The following DLG2 variants were observed in gnomAD, a reference collection of about 807,000 sequenced individuals.
DLG2 encodes the protein discs large MAGUK scaffold protein 2.
Under a neutral mutation model 132.5 loss-of-function variants are expected in DLG2, and 45 were observed. That is an observed-to-expected ratio of 0.34 (90% confidence interval 0.27 to 0.44). The LOEUF is 0.44. Among genes scored for constraint, DLG2 ranks in the 20% least tolerant of loss-of-function variants. The pLI is 1.00. For synonymous variants in DLG2, 424 were observed against 419.6 expected, an observed-to-expected ratio of 1.01 and a Z score of -0.13; for missense variants, 1,045 against 1,196.9, an observed-to-expected ratio of 0.87 and a Z score of 1.87.
chr11:84,726,663 G>A (rs906739525), intron 6 of DLG2, among the ~76,000 whole-genome samples: 1 of 152,062 alleles, frequency 6.6e-6, no homozygotes. Context: ...GGTATTTCTG[G>A]TTCTAGATCC....
intron 6 of DLG2, among the ~76,000 whole-genome samples, chr11:84,988,646 G>T (rs540246298): frequency 6.6e-6 from 1 of 152,152 alleles, no homozygotes; most frequent in Non-Finnish European, 1.5e-5. Flanking sequence ...TCGTATGCTC[G>T]CTCATAAGTG....
At chr11:84,481,293 A>AT (rs2099136887) in intron 7 of DLG2, among the ~76,000 whole-genome samples, 1 of 151,606 alleles carries the variant, frequency 6.6e-6, no homozygotes, top group Non-Finnish European at 1.5e-5. Flanking sequence ...ATCTTGCCCT[A>AT]TTTTTTGCTT....
At position 84,243,764 on chromosome 11, in the gene DLG2, A is replaced by G. The variant is rs137959831; in HGVS notation, c.573+7474T>C. Among the ~76,000 whole-genome samples, 75 of 152,278 alleles carry G rather than the reference A, an allele frequency of 4.9e-4. 1 individual carries two copies. Among genetic ancestry groups the G allele is most frequent in the African/African-American group, 1.6e-3 (67 of 41,558 alleles). On this transcript the variant is annotated intron_variant, in intron 8 of 27. Coordinates refer to ENST00000376104, the MANE Select transcript of DLG2 (RefSeq NM_001142699.3). ...CTGCTACTGGCCCAACTCCTGAACT[A>G]GCAGTGGCTTCTCATTTTGACTCAC...
At chr11:85,361,435 A>G (rs1470574263) in intron 3 of DLG2, among the ~76,000 whole-genome samples, 3 of 152,144 alleles carry the variant, frequency 2.0e-5, no homozygotes, top group African/African-American at 7.2e-5. Context: ...ATTGTACCCA[A>G]TAAATAATTT....
At chr11:85,296,010 T>G (rs1178660128) in intron 3 of DLG2, among the ~76,000 whole-genome samples, 1 of 152,192 alleles carries the variant, frequency 6.6e-6, no homozygotes, top group Non-Finnish European at 1.5e-5. Flanking sequence ...AAATTGACTC[T>G]ATTGGCCTCT....
intron 6 of DLG2, chr11:85,021,414 TAA>T (rs2060053365): frequency 1.4e-6 from 2 of 1,389,128 alleles, no homozygotes; most frequent in Non-Finnish European, 2.0e-6. Flanking sequence ...GGTTAATATC[TAA>T]AACCTGGTCA....
At chr11:85,564,640 C>A (rs1248011952) in intron 3 of DLG2, among the ~76,000 whole-genome samples, 1 of 152,020 alleles carries the variant, frequency 6.6e-6, no homozygotes, top group East Asian at 1.9e-4. Flanking sequence ...GTCAATACCA[C>A]ATTTTCTGGA....
chr11:85,559,246 G>A (rs1231786924), intron 3 of DLG2, among the ~76,000 whole-genome samples: 1 of 150,606 alleles, frequency 6.6e-6, no homozygotes, highest in African/African-American at 2.4e-5. Context: ...CTGCCTCCCG[G>A]GTTCAAGTGA....
At chr11:85,527,967 A>G (rs1313861390) in intron 3 of DLG2, among the ~76,000 whole-genome samples, 2 of 151,848 alleles carry the variant, frequency 1.3e-5, no homozygotes, top group East Asian at 1.9e-4. Flanking sequence ...GCTTTTTTGC[A>G]TATGCTTGTT....
intron 3 of DLG2, among the ~76,000 whole-genome samples, chr11:85,588,895 G>T (rs1462037857): frequency 6.6e-6 from 1 of 152,090 alleles, no homozygotes; most frequent in African/African-American, 2.4e-5. Flanking sequence ...CTTCCCCTAG[G>T]GATGAGGCTT....
intron 16 of DLG2, among the ~76,000 whole-genome samples, chr11:83,845,301 G>C (rs1471558191): frequency 6.6e-6 from 1 of 152,164 alleles, no homozygotes; most frequent in East Asian, 1.9e-4. Flanking sequence ...TAGGAAACTT[G>C]TGAAGAGAGG....
intron 3 of DLG2, among the ~76,000 whole-genome samples, chr11:85,504,393 G>C (rs1259222790): frequency 1.3e-5 from 2 of 152,112 alleles, no homozygotes; most frequent in Admixed American, 6.6e-5. Context: ...TTTTGTATAA[G>C]GTGTAAGGGA....
intron 3 of DLG2, among the ~76,000 whole-genome samples, chr11:85,386,860 A>T (rs1279481031): frequency 7.5e-6 from 1 of 132,800 alleles, no homozygotes; most frequent in Non-Finnish European, 1.7e-5. Context: ...GAAGGCAACC[A>T]AAAAAAAAAA....
intron 6 of DLG2, among the ~76,000 whole-genome samples, chr11:84,576,005 C>T (rs1037250255): frequency 2.0e-5 from 3 of 152,148 alleles, no homozygotes; most frequent in South Asian, 4.1e-4. Flanking sequence ...GCTGTTTCCT[C>T]TTCCTGAAAA....
chr11:85,169,130 A>G lies in DLG2; in HGVS notation c.187-14479T>C, dbSNP rs1392240140. On this transcript the variant is annotated intron_variant, in intron 4 of 27. Transcript: ENST00000376104. ...ACATCTCTAGATTACTTATAATACC[A>G]AATACAATGGGAACGCTATAAAAAT... Among the ~76,000 whole-genome samples the G allele has an allele frequency of 2.0e-5, 3 of 152,160 alleles. No homozygotes were observed. The East Asian group carries it at 5.8e-4, about 29-fold the overall frequency.
At chr11:85,624,227 G>T (rs927213466) in intron 2 of DLG2, among the ~76,000 whole-genome samples, 1 of 152,148 alleles carries the variant, frequency 6.6e-6, no homozygotes, top group African/African-American at 2.4e-5. Context: ...TTATCCAAGG[G>T]CAGTCCAGAA....
intron 3 of DLG2, among the ~76,000 whole-genome samples, chr11:85,463,629 G>A (rs1255591816): frequency 3.3e-5 from 5 of 152,066 alleles, no homozygotes; most frequent in Non-Finnish European, 7.4e-5. Context: ...AAATTAGGCA[G>A]GCATGGTTGT....
chr11:85,468,639 T>C (rs1325950559), intron 3 of DLG2, among the ~76,000 whole-genome samples: 2 of 152,230 alleles, frequency 1.3e-5, no homozygotes, highest in Non-Finnish European at 1.5e-5. Flanking sequence ...AGTTTCTTAA[T>C]CTTGAGTTCT....
chr11:84,245,936 G>A (rs1271193857), intron 8 of DLG2, among the ~76,000 whole-genome samples: 1 of 152,120 alleles, frequency 6.6e-6, no homozygotes, highest in East Asian at 1.9e-4. Context: ...GACTTATTCT[G>A]GCCAATTGGG....
Sources: allele counts gnomAD v4.1 joint callset (sites outside exome capture counted in the v4.1 genomes callset), GRCh38; gene constraint gnomAD v4.1.1; transcripts MANE v1.5; gene names NCBI Gene and HGNC (gene_info 2026-07-23, HGNC 2026-07-21).